Variants in DENND2B observed in about 807,000 individuals in gnomAD.
The protein encoded by DENND2B is DENN domain containing 2B.
DENND2B carries 32 observed loss-of-function variants against 116.0 expected under a neutral mutation model. The ratio of observed to expected loss-of-function variants is 0.28; its 90% CI spans 0.21 to 0.37. DENND2B has a LOEUF of 0.37. DENND2B is among the 10% of genes least tolerant of loss of function. DENND2B has a pLI of 1.00. For synonymous variants in DENND2B, 588 were observed against 583.9 expected, an observed-to-expected ratio of 1.01 and a Z score of -0.10; for missense variants, 1,276 against 1,477.7, an observed-to-expected ratio of 0.86 and a Z score of 2.24.
intron 1 of DENND2B, among the ~76,000 whole-genome samples, chr11:8,892,271 T>G (rs1271880780): frequency 6.6e-6 from 1 of 152,274 alleles, no homozygotes. Context: ...TAGCACTAAA[T>G]GCCCACAAGA....
At chr11:8,729,847 A>C in intron 3 of DENND2B, 103 bp downstream of exon 3, 1 of 1,444,988 alleles carries the variant, frequency 6.9e-7, no homozygotes, top group Non-Finnish European at 9.4e-7. Flanking sequence ...AGAGCTTACG[A>C]AGCACTAATG....
Position 8,715,597 on chromosome 11 carries a change from G to A in DENND2B, c.1845+6C>T, listed in dbSNP as rs772138507. On this transcript the variant is annotated splice_donor_region_variant and intron_variant, in intron 6 of 19. Coordinates refer to ENST00000313726, the MANE Select transcript of DENND2B (RefSeq NM_213618.2). ...GGCTCCAGTGGGCTGCCTCTGGGGAGGGTACCTTGGGAATGCGGCGGGCCC... is the reference window on the plus strand; with the variant it reads ...GGCTCCAGTGGGCTGCCTCTGGGGAAGGTACCTTGGGAATGCGGCGGGCCC... 1 of 1,611,328 alleles carries A rather than the reference G, an allele frequency of 6.2e-7. No homozygotes were observed. Among genetic ancestry groups the A allele is most frequent in the Non-Finnish European group, 8.5e-7 (1 of 1,178,080 alleles).
chr11:8,730,066 A>G lies in DENND2B; in HGVS notation c.1224T>C (p.Asn408=). ...CAGGTGTGGGTGAAGGAGGTAGACC[A>G]TTACTGGGCTTACTCTTGGGGTTCT... ...ADKNPKSKPS[N]GLPPSPTPAA... Residue 408 remains asparagine, a synonymous_variant, in exon 3 of 20, where the codon AAT becomes AAC. Coordinates refer to ENST00000313726, the MANE Select transcript of DENND2B (RefSeq NM_213618.2). This position sits in a 1 kb window ranked among gnomAD's most constrained non-coding sequence, Gnocchi z 4.1. 3.1e-6 allele frequency: 5 copies of G among 1,614,126 alleles called. No homozygotes were observed. Among genetic ancestry groups the G allele is most frequent in the Non-Finnish European group, 4.2e-6 (5 of 1,180,014 alleles).
chr11:8,725,914 A>G (rs187782411), intron 4 of DENND2B, among the ~76,000 whole-genome samples, 159 bp downstream of exon 4: 1 of 152,278 alleles, frequency 6.6e-6, no homozygotes, highest in Non-Finnish European at 1.5e-5. Flanking sequence ...ACTCTGTCTA[A>G]GCTAAGGTGC....
At chr11:8,832,090 T>G (rs530995907) in intron 4 of DENND2B, among the ~76,000 whole-genome samples, 75 of 152,154 alleles carry the variant, frequency 4.9e-4, no homozygotes, top group South Asian at 1.7e-3. Context: ...CTGTCTCTCC[T>G]CCTACCCCTC....
chr11:8,886,165 G>A (rs1473476160), intron 1 of DENND2B, among the ~76,000 whole-genome samples: 3 of 151,948 alleles, frequency 2.0e-5, no homozygotes, highest in Non-Finnish European at 4.4e-5. Flanking sequence ...AAACTCCTGG[G>A]GTCAAGCAAT....
chr11:8,708,175 G>A (rs575511751), intron 11 of DENND2B: 1 of 1,284,886 alleles, frequency 7.8e-7, no homozygotes, highest in African/African-American at 1.5e-5. Flanking sequence ...GCTACAGGGT[G>A]TCTGTGGATT....
At chr11:8,823,335 A>G (rs540111495) in intron 4 of DENND2B, among the ~76,000 whole-genome samples, 1 of 152,324 alleles carries the variant, frequency 6.6e-6, no homozygotes, top group Admixed American at 6.5e-5. Flanking sequence ...GTGCTATGAA[A>G]TGAATCTGCA....
In DENND2B at chr11:8,759,911, A is replaced by G. The variant is rs117954710; in HGVS notation, c.-25-9186T>C. On this transcript the variant is annotated intron_variant, in intron 1 of 19. Transcript: ENST00000313726. ...CCCTCAGATTCTAAGGAGCTTAACAAATGCAACTAAATCAGGATGATCCTT... is the reference window on the plus strand; with the variant it reads ...CCCTCAGATTCTAAGGAGCTTAACAGATGCAACTAAATCAGGATGATCCTT... 4.6e-3 allele frequency among the ~76,000 whole-genome samples: 706 copies of G among 152,270 alleles called. 1 individual carries two copies. The highest frequency in any genetic ancestry group is 8.4e-3 in the Non-Finnish European group (571 of 68,012).
At chr11:8,905,734 A>G (rs2064227365) in intron 1 of DENND2B, among the ~76,000 whole-genome samples, 1 of 152,136 alleles carries the variant, frequency 6.6e-6, no homozygotes, top group Admixed American at 6.6e-5. Context: ...ACTATGCATT[A>G]TCAGTCAAAA....
chr11:8,795,789 C>G (rs1353060473), intron 1 of DENND2B, among the ~76,000 whole-genome samples: 1 of 152,212 alleles, frequency 6.6e-6, no homozygotes. Flanking sequence ...GGTTCAATCC[C>G]TTAAAGATCT....
chr11:8,869,999 G>T (rs1375644174), intron 2 of DENND2B, among the ~76,000 whole-genome samples: 1 of 152,142 alleles, frequency 6.6e-6, no homozygotes, highest in East Asian at 1.9e-4. Flanking sequence ...CAGCCCTTTG[G>T]GTTTTAACCC....
chr11:8,837,073 C>T (rs956373617), intron 4 of DENND2B, among the ~76,000 whole-genome samples: 1 of 151,922 alleles, frequency 6.6e-6, no homozygotes, highest in Admixed American at 6.6e-5. Context: ...CAGCAAAATA[C>T]TTTGGAGATT....
At chr11:8,821,511 A>G (rs1431215415) in intron 4 of DENND2B, among the ~76,000 whole-genome samples, 1 of 152,004 alleles carries the variant, frequency 6.6e-6, no homozygotes, top group African/African-American at 2.4e-5. Flanking sequence ...CCTAGGAGAT[A>G]GAGGCTGCAG....
In DENND2B at chr11:8,901,960, T is replaced by A. The variant is rs985968913; in HGVS notation, c.-256+8861A>T. ...ATTGTTGGATGGAGTTTCCTATAGG[T>A]GTCAAGGTGGCTGACAGTATCGTTT... On this transcript the variant is annotated intron_variant, in intron 1 of 22. Transcript: ENST00000534127. Among the ~76,000 whole-genome samples, 9 of 152,180 alleles carry A rather than the reference T, an allele frequency of 5.9e-5. No homozygotes were observed. The South Asian group carries it at 8.3e-4, about 14-fold the overall frequency.
intron 2 of DENND2B, among the ~76,000 whole-genome samples, chr11:8,738,866 G>C (rs2049629015): frequency 6.6e-6 from 1 of 152,042 alleles, no homozygotes; most frequent in Non-Finnish European, 1.5e-5. Context: ...CCCACCCTTA[G>C]GCACATCCAA....
rs374970978 is a variant in DENND2B at position 8,882,349 on chromosome 11, G to C, written c.-255-1240C>G. On this transcript the variant is annotated intron_variant, in intron 1 of 22. Transcript: ENST00000534127. ...TCCGACTTCTTCCTACTCCTTGGGA[G>C]AATGGATTACTCTCTCCCTTGGCAC... Among the ~76,000 whole-genome samples the C allele has an allele frequency of 2.0e-5, 3 of 152,166 alleles. No homozygotes were observed. In the South Asian group the frequency reaches 6.2e-4, roughly 31 times the overall value.
At chr11:8,743,914 T>C (rs2050727610) in intron 2 of DENND2B, among the ~76,000 whole-genome samples, 1 of 148,698 alleles carries the variant, frequency 6.7e-6, no homozygotes, top group Non-Finnish European at 1.5e-5. Context: ...GCCTGATTAA[T>C]TTTTTTTTTG....
Position 8,838,792 on chromosome 11 carries a change from TAGG to T in DENND2B, c.-115+515_-115+517del, listed in dbSNP as rs151322543. Among the ~76,000 whole-genome samples the T allele has an allele frequency of 4.5e-3, 689 of 152,286 alleles. 4 individuals carry two copies. The highest frequency in any genetic ancestry group is 7.9e-3 in the Admixed American group (121 of 15,288). ...AGAGGGAAAGCATTTACGGAAAACTTAGGAGGACTATCTTCATGACCTTGGGGC... is the reference window on the plus strand; with the variant it reads ...AGAGGGAAAGCATTTACGGAAAACTTAGGACTATCTTCATGACCTTGGGGC... On this transcript the variant is annotated intron_variant, in intron 4 of 6. Coordinates refer to the DENND2B transcript ENST00000524757.
Sources: allele counts gnomAD v4.1 joint callset (sites outside exome capture counted in the v4.1 genomes callset), GRCh38; gene constraint gnomAD v4.1.1; non-coding constraint Gnocchi (gnomAD v3.1); transcripts MANE v1.5; gene names NCBI Gene and HGNC (gene_info 2026-07-23, HGNC 2026-07-21).